The following ADRA1B variants were observed in gnomAD, a reference collection of about 807,000 sequenced individuals.
ADRA1B encodes the protein adrenoceptor alpha 1B.
A neutral mutation model predicts 17.9 loss-of-function variants in ADRA1B; 17 were observed. The observed-to-expected ratio is 0.95, with a 90% CI of 0.65 to 1.42. The LOEUF is 1.42. Ranked by LOEUF, ADRA1B falls within the 40% of genes most tolerant of loss-of-function variation. ADRA1B has a pLI of 0.00. For missense variants in ADRA1B, 681 were observed against 722.1 expected (o/e 0.94, Z 0.65); for synonymous variants, 366 against 327.6 (o/e 1.12, Z -1.27).
chr5:159,967,618 T>A (rs989244145), intron 1 of ADRA1B, among the ~76,000 whole-genome samples: 18 of 152,172 alleles, frequency 1.2e-4, no homozygotes, highest in Non-Finnish European at 2.2e-4. Context: ...GAACAGCCAA[T>A]AACTCAAGAG....
intron 1 of ADRA1B, among the ~76,000 whole-genome samples, chr5:159,909,133 A>G (rs1009102791): frequency 1.3e-5 from 2 of 152,136 alleles, no homozygotes; most frequent in African/African-American, 2.4e-5. Flanking sequence ...GCATTCCTCA[A>G]TGCACAATGA....
chr5:159,881,299 T>TTCTCTCTGTCTC (rs56069000), intron 1 of ADRA1B, among the ~76,000 whole-genome samples: 3,593 of 131,990 alleles, frequency 0.027, 251 homozygotes, highest in Middle Eastern at 0.045. Context: ...TATCAGAAAG[T>TTCTCTCTGTCTC]TCTCTCTCTC....
chr5:159,921,363 A>G (rs879695549), intron 1 of ADRA1B, among the ~76,000 whole-genome samples: 2 of 152,238 alleles, frequency 1.3e-5, no homozygotes, highest in East Asian at 3.8e-4. Flanking sequence ...AATAGAATAT[A>G]GCAGTATTTC....
chr5:159,954,020 A>C (rs1391497947), intron 1 of ADRA1B, among the ~76,000 whole-genome samples: 1 of 152,204 alleles, frequency 6.6e-6, no homozygotes, highest in Non-Finnish European at 1.5e-5. Context: ...GCTCGCCTGA[A>C]AAGAGACATA....
chr5:159,879,249 G>T (rs572171677), intron 1 of ADRA1B, among the ~76,000 whole-genome samples: 378 of 152,266 alleles, frequency 2.5e-3, no homozygotes, highest in Non-Finnish European at 4.3e-3. Flanking sequence ...GTTCACCGGG[G>T]AAAGGGGCCC....
chr5:159,981,523 TCTCA>T, the ADRA1B span, among the ~76,000 whole-genome samples: 1 of 152,216 alleles, frequency 6.6e-6, no homozygotes, highest in East Asian at 1.9e-4. Context: ...TAAGATGGAA[TCTCA>T]CTCTGTCACC....
At chr5:159,936,480 A>T (rs1226804397) in intron 1 of ADRA1B, among the ~76,000 whole-genome samples, 1 of 152,202 alleles carries the variant, frequency 6.6e-6, no homozygotes, top group African/African-American at 2.4e-5. Context: ...TTTTTTCTGC[A>T]TGTCTGAGGA....
intron 1 of ADRA1B, chr5:159,951,464 C>A: frequency 1.4e-6 from 1 of 727,254 alleles, no homozygotes; most frequent in Non-Finnish European, 2.5e-6. Flanking sequence ...CCCAATACAT[C>A]CAAATCCGTT....
At position 159,916,597 on chromosome 5, in the gene ADRA1B, T is replaced by TGCCGCCCCC. The variant is rs1754312453; in HGVS notation, c.-308_-300dup. ...GGGCACCGCCGGGCGCCCCCGGCCCTGCCGCCCCCTCCTCCCCGCCGCTCC... is the reference window on the plus strand; with the variant it reads ...GGGCACCGCCGGGCGCCCCCGGCCCTGCCGCCCCCGCCGCCCCCTCCTCCCCGCCGCTCC... On this transcript the variant is annotated 5_prime_UTR_variant, in exon 1 of 2. Coordinates refer to ENST00000306675, the MANE Select transcript of ADRA1B (RefSeq NM_000679.4). 1 of 161,468 alleles carries TGCCGCCCCC rather than the reference T, an allele frequency of 6.2e-6. No individual in the cohort carries two copies. Among genetic ancestry groups the TGCCGCCCCC allele is most frequent in the Non-Finnish European group, 1.3e-5 (1 of 77,248 alleles). The allele number at this position is 161,468 out of a possible 1,614,324, so 10.0% of individuals were successfully genotyped here.
intron 1 of ADRA1B, among the ~76,000 whole-genome samples, chr5:159,909,489 G>T (rs1257802857): frequency 4.6e-5 from 7 of 152,190 alleles, no homozygotes; most frequent in Non-Finnish European, 1.0e-4. Context: ...AGGGTTGGAT[G>T]GTTTGGTTCA....
At chr5:159,987,588 A>G in the ADRA1B span, among the ~76,000 whole-genome samples, 1 of 152,236 alleles carries the variant, frequency 6.6e-6, no homozygotes, top group Non-Finnish European at 1.5e-5. Context: ...GAGTGCAAAG[A>G]AACGAGGCTG....
At chr5:159,890,499 T>A (rs548629580) in intron 1 of ADRA1B, among the ~76,000 whole-genome samples, 1 of 152,304 alleles carries the variant, frequency 6.6e-6, no homozygotes, top group African/African-American at 2.4e-5. Context: ...GATAAGTTGT[T>A]TCCATGATCC....
At chr5:159,941,617 A>T (rs1755129298) in intron 1 of ADRA1B, among the ~76,000 whole-genome samples, 1 of 152,234 alleles carries the variant, frequency 6.6e-6, no homozygotes, top group Non-Finnish European at 1.5e-5. Context: ...CGAAAGAAGG[A>T]AATAACTCAA....
chr5:159,865,177 G>A (rs1000381229), exon 1 of ADRA1B: 3 of 152,150 alleles, frequency 2.0e-5, no homozygotes, highest in Non-Finnish European at 4.4e-5. Context: ...ACAGAAACGG[G>A]GCGCACTTTG....
At chr5:159,899,286 G>GGAAGGAA (rs2113117117) in intron 1 of ADRA1B, among the ~76,000 whole-genome samples, 1 of 148,888 alleles carries the variant, frequency 6.7e-6, no homozygotes, top group Admixed American at 6.7e-5. Flanking sequence ...AAGGAAGGAA[G>GGAAGGAA]GAAGGAAGGA....
intron 1 of ADRA1B, among the ~76,000 whole-genome samples, chr5:159,921,756 T>G (rs968285990): frequency 1.3e-5 from 2 of 152,208 alleles, no homozygotes; most frequent in Non-Finnish European, 2.9e-5. Context: ...TGGAACAAAA[T>G]AGAAATCCCT....
intron 1 of ADRA1B, among the ~76,000 whole-genome samples, chr5:159,896,716 G>T (rs187680603): frequency 1.3e-5 from 2 of 152,096 alleles, no homozygotes; most frequent in Non-Finnish European, 2.9e-5. Context: ...CATCAGCCGC[G>T]CTCCACTGAA....
At chr5:159,871,398 C>T (rs778269803) in intron 1 of ADRA1B, 2 of 152,158 alleles carry the variant, frequency 1.3e-5, no homozygotes, top group African/African-American at 2.4e-5. Context: ...AGTTTATTCT[C>T]TCATGGTTCC....
the ADRA1B span, among the ~76,000 whole-genome samples, chr5:159,986,785 A>G: frequency 6.6e-6 from 1 of 152,134 alleles, no homozygotes; most frequent in Non-Finnish European, 1.5e-5. Context: ...GGGTTTTTGG[A>G]GACGTTAGCC....
Sources: gnomAD v4.1 joint callset for allele counts (sites outside exome capture counted in the v4.1 genomes callset) on GRCh38, gnomAD v4.1.1 for gene constraint, MANE v1.5 for transcripts, NCBI Gene and HGNC (gene_info 2026-07-23, HGNC 2026-07-21) for gene names.